The following TLL1 variants were observed in gnomAD, a reference collection of about 807,000 sequenced individuals.
The protein encoded by TLL1 is tolloid like 1, also known as tolloid-like protein 1.
Under a neutral mutation model 128.2 loss-of-function variants are expected in TLL1, and 49 were observed. The ratio of observed to expected loss-of-function variants is 0.38; its 90% CI spans 0.30 to 0.48. TLL1 has a LOEUF of 0.48. Ranked by LOEUF, TLL1 falls within the 20% of genes least tolerant of loss-of-function variation. TLL1 has a pLI of 0.96. For missense variants in TLL1, 1,123 were observed against 1,242.0 expected (o/e 0.90, Z 1.44); for synonymous variants, 454 against 418.8 (o/e 1.08, Z -1.03).
intron 1 of TLL1, among the ~76,000 whole-genome samples, chr4:165,954,480 G>T (rs888751138): frequency 6.6e-6 from 1 of 152,068 alleles, no homozygotes; most frequent in Non-Finnish European, 1.5e-5. Context: ...GAGAGCGAAA[G>T]AAAGAAAAGA....
intron 9 of TLL1, among the ~76,000 whole-genome samples, chr4:166,026,772 C>T (rs976431614): frequency 2.6e-5 from 4 of 151,480 alleles, no homozygotes; most frequent in African/African-American, 9.7e-5. Context: ...ATAGAGAAAG[C>T]ACAATTATCT....
chr4:165,909,913 T>C (rs957799383), intron 1 of TLL1, among the ~76,000 whole-genome samples: 1 of 152,108 alleles, frequency 6.6e-6, no homozygotes, highest in Admixed American at 6.5e-5. Flanking sequence ...ACAGTTTTTT[T>C]CCCCAAATAC....
intron 1 of TLL1, among the ~76,000 whole-genome samples, chr4:165,988,267 T>C (rs1172401136): frequency 6.6e-6 from 1 of 152,064 alleles, no homozygotes; most frequent in Non-Finnish European, 1.5e-5. Flanking sequence ...GGTTTCACAA[T>C]GGTTTATAGA....
At chr4:165,936,204 A>G (rs187969079) in intron 1 of TLL1, among the ~76,000 whole-genome samples, 16 of 132,302 alleles carry the variant, frequency 1.2e-4, no homozygotes, top group Non-Finnish European at 2.4e-4. Context: ...ATATATATAT[A>G]TATTTTTTTT....
chr4:165,992,949 G>A, intron 3 of TLL1, 65 bp downstream of exon 3: 2 of 1,306,926 alleles, frequency 1.5e-6, no homozygotes, highest in Non-Finnish European at 2.2e-6. Flanking sequence ...ACTCATAGCA[G>A]TTCAGTTTAT....
intron 8 of TLL1, among the ~76,000 whole-genome samples, chr4:166,015,438 G>A (rs1261199305): frequency 6.6e-6 from 1 of 151,944 alleles, no homozygotes; most frequent in Non-Finnish European, 1.5e-5. Flanking sequence ...TCAGAGAAAT[G>A]ATGGATATCT....
intron 19 of TLL1, among the ~76,000 whole-genome samples, chr4:166,094,404 T>C (rs1367388931): frequency 1.3e-5 from 2 of 152,182 alleles, no homozygotes; most frequent in Non-Finnish European, 2.9e-5. Flanking sequence ...GATTGAATTC[T>C]TCTTTATAGA....
intron 18 of TLL1, among the ~76,000 whole-genome samples, chr4:166,086,057 G>C (rs1221295456): frequency 1.3e-5 from 2 of 152,050 alleles, no homozygotes; most frequent in Admixed American, 1.3e-4. Context: ...AGCTCAAAAA[G>C]ATATTTAGAT....
At chr4:165,924,641 A>G (rs927771889) in intron 1 of TLL1, among the ~76,000 whole-genome samples, 1 of 152,210 alleles carries the variant, frequency 6.6e-6, no homozygotes, top group African/African-American at 2.4e-5. Context: ...TTATTCAGAA[A>G]ATCTAGCTAA....
chr4:165,909,023 C>A (rs1367228860), intron 1 of TLL1, among the ~76,000 whole-genome samples: 2 of 152,014 alleles, frequency 1.3e-5, no homozygotes, highest in African/African-American at 4.8e-5. Flanking sequence ...ATGGTGAAAC[C>A]CCATCTCTAC....
At chr4:166,009,370 T>C (rs1388336759) in intron 7 of TLL1, among the ~76,000 whole-genome samples, 3 of 151,398 alleles carry the variant, frequency 2.0e-5, no homozygotes, top group South Asian at 2.1e-4. Context: ...TACTGGAGAG[T>C]AGAGAAAAAC....
At chr4:166,080,352 T>C (rs1226084938) in intron 18 of TLL1, among the ~76,000 whole-genome samples, 1 of 152,164 alleles carries the variant, frequency 6.6e-6, no homozygotes, top group African/African-American at 2.4e-5. Flanking sequence ...GGGTTCGGAC[T>C]TCAACATTAA....
At chr4:165,899,555 G>A (rs1315480586) in intron 1 of TLL1, among the ~76,000 whole-genome samples, 1 of 152,138 alleles carries the variant, frequency 6.6e-6, no homozygotes, top group Non-Finnish European at 1.5e-5. Flanking sequence ...TTAATCCTGA[G>A]TTCTAATTTG....
chr4:166,047,282 A>C (rs1739498875), intron 12 of TLL1, among the ~76,000 whole-genome samples: 1 of 151,474 alleles, frequency 6.6e-6, no homozygotes, highest in Non-Finnish European at 1.5e-5. Context: ...CTCCTGCCTC[A>C]GCCTCCCGAG....
chr4:166,005,361 G>C (rs1341150636), intron 6 of TLL1, among the ~76,000 whole-genome samples: 1 of 151,908 alleles, frequency 6.6e-6, no homozygotes, highest in Non-Finnish European at 1.5e-5. Flanking sequence ...GGAAAAACTG[G>C]ATGGAGAATA....
chr4:165,934,761 C>T (rs1370283784), intron 1 of TLL1, among the ~76,000 whole-genome samples: 1 of 152,192 alleles, frequency 6.6e-6, no homozygotes, highest in Non-Finnish European at 1.5e-5. Flanking sequence ...TTAGTGGCTC[C>T]AGGAAACTGA....
intron 1 of TLL1, among the ~76,000 whole-genome samples, chr4:165,906,432 G>C (rs944086662): frequency 1.6e-4 from 25 of 152,186 alleles, no homozygotes; most frequent in African/African-American, 5.8e-4. Context: ...CTGTCACAAA[G>C]TGAAGAAATA....
At chr4:166,044,454 A>G in intron 12 of TLL1, 5 of 1,531,234 alleles carry the variant, frequency 3.3e-6, no homozygotes, top group Non-Finnish European at 2.6e-6. Flanking sequence ...TTTCTTCAGT[A>G]CTTGTCTCTG....
At chr4:165,875,458 T>A (rs1455605178) in intron 1 of TLL1, among the ~76,000 whole-genome samples, 2 of 152,212 alleles carry the variant, frequency 1.3e-5, no homozygotes, top group African/African-American at 4.8e-5. Context: ...CAGAGTAGCT[T>A]AGCAGGAGCC....
Sources: gnomAD v4.1 joint callset for allele counts (sites outside exome capture counted in the v4.1 genomes callset) on GRCh38, gnomAD v4.1.1 for gene constraint, MANE v1.5 for transcripts, NCBI Gene and HGNC (gene_info 2026-07-23, HGNC 2026-07-21) for gene names.